EPHA10: variants seen among roughly 807,000 people sequenced by gnomAD.
EPHA10 encodes EPH receptor A10, also known as ephrin type-A receptor 10.
EPHA10 carries 120 observed loss-of-function variants against 109.7 expected under a neutral mutation model. That is an observed-to-expected ratio of 1.09 (90% CI 0.94 to 1.27). The LOEUF is 1.27. EPHA10 is among the 50% of genes most tolerant of loss of function. The pLI is 0.00. For missense variants in EPHA10, 1,396 were observed against 1,411.1 expected (o/e 0.99, Z 0.17); for synonymous variants, 640 against 618.9 (o/e 1.03, Z -0.51).
At chr1:37,762,429 G>A (rs1477824587) in intron 2 of EPHA10, among the ~76,000 whole-genome samples, 2 of 152,066 alleles carry the variant, frequency 1.3e-5, no homozygotes, top group African/African-American at 4.8e-5. Context: ...AAGTCTCCAA[G>A]CCTCTTTTAG....
At position 37,731,425 on chromosome 1, in the gene EPHA10, T is replaced by C. The variant is rs1645980171; in HGVS notation, c.1649A>G (p.Gln550Arg). 2.5e-6 allele frequency: 4 copies of C among 1,610,224 alleles called. No individual in the cohort carries two copies. In the East Asian group the frequency reaches 8.9e-5, roughly 36 times the overall value. Residue 550 changes from glutamine to arginine, a missense_variant, in exon 7 of 17, where the codon CAG becomes CGG. Physicochemically the swap from Gln to Arg is conservative, Grantham distance 43. Coordinates refer to ENST00000373048, the MANE Select transcript of EPHA10 (RefSeq NM_001099439.2). ...ACACTACTTACCCTCCCCCAGGGTC[T>C]GTACTTCAATGCTGGGGTTAAAACT... Reference protein sequence around the residue: ...AQSFNPSIEVQTLGEAASGSR... With the variant: ...AQSFNPSIEVRTLGEAASGSR...
rs1645711910 is a variant in EPHA10 at position 37,717,530 on chromosome 1, C to T, written c.*842G>A. 1 of 231,606 alleles carries T rather than the reference C, an allele frequency of 4.3e-6. No individual in the cohort carries two copies. Among genetic ancestry groups the T allele is most frequent in the South Asian group, 1.8e-4 (1 of 5,526 alleles). The allele number at this position is 231,606 out of a possible 1,614,324, so 14.3% of individuals were successfully genotyped here. On this transcript the variant is annotated 3_prime_UTR_variant, in exon 17 of 17. Transcript: ENST00000373048. ...ATCTCTGAGTCTCCTCTTCACCCTC[C>T]CCATGGCTGGAGAGAAAAGCTCTTG... is the stretch of plus-strand genomic sequence containing the variant.
At position 37,761,705 on chromosome 1, in the gene EPHA10, T is replaced by C. The variant is rs1218799400; in HGVS notation, c.550A>G (p.Ser184Gly). Reference sequence around the variant, plus strand: ...AAGGCCAGGTGGAAACCCCGCCGGCTGAGCGGTCCGATCTCGCGCACCTCT... The same window carrying C: ...AAGGCCAGGTGGAAACCCCGCCGGCCGAGCGGTCCGATCTCGCGCACCTCT... The part of the protein sequence containing the change: ...NTEVREIGPL[S>G]RRGFHLAFQD... Residue 184 changes from serine (S) to glycine (G), a missense_variant, in exon 3 of 17, where the codon AGC becomes GGC. Coordinates refer to ENST00000373048, the MANE Select transcript of EPHA10 (RefSeq NM_001099439.2). 3 of 1,613,330 alleles carry C rather than the reference T, an allele frequency of 1.9e-6. No individual in the cohort carries two copies. Among genetic ancestry groups the C allele is most frequent in the Non-Finnish European group, 2.5e-6 (3 of 1,179,918 alleles).
chr1:37,739,163 T>C (rs1646115619), intron 5 of EPHA10, among the ~76,000 whole-genome samples: 1 of 150,416 alleles, frequency 6.6e-6, no homozygotes, highest in Non-Finnish European at 1.5e-5. Context: ...TAAAAAAGAG[T>C]TAAAAAAAAG....
intron 11 of EPHA10, 105 bp from the exon 12 acceptor site, chr1:37,720,949 A>T: frequency 9.2e-7 from 1 of 1,081,508 alleles, no homozygotes; most frequent in South Asian, 1.4e-5. Context: ...AGCCAGAACC[A>T]GCACCAAGCT....
intron 5 of EPHA10, among the ~76,000 whole-genome samples, chr1:37,745,659 G>A (rs1032243873): frequency 6.6e-6 from 1 of 152,120 alleles, no homozygotes; most frequent in Non-Finnish European, 1.5e-5. Flanking sequence ...AACCAACCTG[G>A]CCAATATGGG....
At chr1:37,720,659 T>G in intron 12 of EPHA10, 105 bp from the exon 13 acceptor site, 1 of 1,535,450 alleles carries the variant, frequency 6.5e-7, no homozygotes, top group South Asian at 1.2e-5. Flanking sequence ...GTTCACCCTG[T>G]GACCACAGGT....
chr1:37,745,444 T>C (rs1646225513), intron 5 of EPHA10, among the ~76,000 whole-genome samples: 1 of 152,148 alleles, frequency 6.6e-6, no homozygotes. Flanking sequence ...GAATGCAAAA[T>C]GGTAGAGCTG....
intron 5 of EPHA10, among the ~76,000 whole-genome samples, chr1:37,741,432 C>T (rs1443261412): frequency 6.6e-6 from 1 of 152,168 alleles, no homozygotes; most frequent in African/African-American, 2.4e-5. Flanking sequence ...CTGACAAGTG[C>T]GTGGATGTGG....
At chr1:37,715,772 C>T (rs542139693), downstream of EPHA10, 2 of 419,274 alleles carry the variant, frequency 4.8e-6, no homozygotes, top group East Asian at 9.9e-5. Flanking sequence ...CCAGGGCACC[C>T]AGTTCCCCTC....
chr1:37,764,807 T>C lies in EPHA10; in HGVS notation c.106+154A>G, dbSNP rs1646461167. On this transcript the variant is annotated intron_variant, in intron 1 of 16. Transcript: ENST00000373048. This position sits in a 1 kb window ranked among gnomAD's most constrained non-coding sequence, Gnocchi z 5.8. ...TCTCTTCGCTACTGCTTGATCACAT[T>C]TTTCTCTGTCTCTCCAGTTCTTTGC... is the stretch of plus-strand genomic sequence containing the variant. Among the ~76,000 whole-genome samples the C allele has an allele frequency of 6.6e-6, 1 of 151,840 alleles. No homozygotes were observed. The highest frequency in any genetic ancestry group is 2.1e-4 in the South Asian group (1 of 4,814).
intron 3 of EPHA10, among the ~76,000 whole-genome samples, chr1:37,757,828 T>C (rs890649461): frequency 3.3e-5 from 5 of 152,230 alleles, no homozygotes; most frequent in African/African-American, 4.8e-5. Flanking sequence ...TTTGTACAGA[T>C]GCCCTCCCTC....
At chr1:37,727,325 G>T in intron 7 of EPHA10, 115 bp from the exon 8 acceptor site, 1 of 776,670 alleles carries the variant, frequency 1.3e-6, no homozygotes. Context: ...TCTGCACTTG[G>T]CACTGCCTCC....
In EPHA10 at chr1:37,754,664, C is replaced by G. The variant is rs890776670; in HGVS notation, c.851-294G>C. Among the ~76,000 whole-genome samples the G allele has an allele frequency of 2.6e-5, 4 of 152,024 alleles. No homozygotes were observed. Among genetic ancestry groups the G allele is most frequent in the Admixed American group, 2.0e-4 (3 of 15,252 alleles). ...GGCCAAAGCTGGAGATCACTTGAGC[C>G]CAGGAGTTGGAGACCAGCCTGGACA... On this transcript the variant is annotated intron_variant, in intron 3 of 16. Coordinates refer to ENST00000373048, the MANE Select transcript of EPHA10 (RefSeq NM_001099439.2). The surrounding 1 kb of genome is among the most constrained non-coding windows in gnomAD (Gnocchi z 4.5).
chr1:37,748,096 C>T (rs997206955), intron 5 of EPHA10, among the ~76,000 whole-genome samples: 5 of 152,282 alleles, frequency 3.3e-5, no homozygotes, highest in South Asian at 4.2e-4. Flanking sequence ...CAGTGCCTCA[C>T]GCCTGTAATC....
chr1:37,754,129 G>T lies in EPHA10; in HGVS notation c.1006+86C>A. 2 of 1,228,756 alleles carry T rather than the reference G, an allele frequency of 1.6e-6. No homozygotes were observed. Among genetic ancestry groups the T allele is most frequent in the Non-Finnish European group, 1.0e-6 (1 of 974,638 alleles). The allele number at this position is 1,228,756 out of a possible 1,614,324, so 76.1% of individuals were successfully genotyped here. A position where few individuals can be genotyped will look rare whatever the true frequency, so the allele number is the denominator to read the frequency against. The stretch of plus-strand genomic sequence containing the variant: ...ACGTGCGCCCCAGTGCGGAGACCCT[G>T]CCCTCACCACCACCTGGATCAGGCC... On this transcript the variant is annotated intron_variant, in intron 4 of 16. Transcript: ENST00000373048. The surrounding 1 kb of genome is among the most constrained non-coding windows in gnomAD (Gnocchi z 4.5).
At chr1:37,747,394 A>G (rs957534782) in intron 5 of EPHA10, among the ~76,000 whole-genome samples, 1 of 151,914 alleles carries the variant, frequency 6.6e-6, no homozygotes, top group African/African-American at 2.4e-5. Flanking sequence ...TCTACAAAAA[A>G]CACAACATTA....
chr1:37,732,863 C>CTTTTTTTTTTTT lies in EPHA10; in HGVS notation c.1492-1293_1492-1282dup, dbSNP rs56226051. Among the ~76,000 whole-genome samples the CTTTTTTTTTTTT allele has an allele frequency of 1.5e-3, 37 of 25,042 alleles. 3 individuals are homozygous for CTTTTTTTTTTTT. The highest frequency in any genetic ancestry group is 1.9e-3 in the Non-Finnish European group (23 of 12,014). 16.4% of individuals were successfully genotyped at this position (25,042 alleles called of 152,430 possible). ...CAAATATAGCCCTTTTATACTTGTT[C>CTTTTTTTTTTTT]TTTTTTTTTTTTTTTTTTTTTTTTT... On this transcript the variant is annotated intron_variant, in intron 6 of 16. Transcript: ENST00000373048.
At position 37,761,952 on chromosome 1, in the gene EPHA10, G is replaced by A. The variant is rs769174468; in HGVS notation, c.303C>T (p.Ile101=). 5.6e-6 allele frequency: 9 copies of A among 1,614,196 alleles called. No homozygotes were observed. In the East Asian group the frequency reaches 2.0e-4, roughly 36 times the overall value. The change falls in exon 3 of 17, where the codon ATC becomes ATT. Residue 101 remains isoleucine (I), a synonymous_variant. Transcript: ENST00000373048. ...GWISRGRGQR[I]FVELQFTLRD... ...GGAGTGTGAACTGCAGTTCCACGAA[G>A]ATGCGCTGCCCGCGGCCACGGCTTA...
Sources: gnomAD v4.1 joint callset for allele counts (sites outside exome capture counted in the v4.1 genomes callset) on GRCh38, gnomAD v4.1.1 for gene constraint, Gnocchi (gnomAD v3.1) non-coding constraint, MANE v1.5 for transcripts, NCBI Gene and HGNC (gene_info 2026-07-23, HGNC 2026-07-21) for gene names.